CEP63: variants seen among roughly 807,000 people sequenced by gnomAD.
The protein encoded by CEP63 is centrosomal protein 63.
CEP63 carries 84 observed loss-of-function variants against 89.1 expected under a neutral mutation model. The ratio of observed to expected loss-of-function variants is 0.94; its 90% CI spans 0.79 to 1.13. CEP63 has a LOEUF of 1.13. CEP63 is among the 50% of genes most tolerant of loss of function. The probability of loss-of-function intolerance (pLI) is 0.00; values close to 1 mark genes in which losing one functional copy is unlikely to be tolerated. For synonymous variants in CEP63, 267 were observed against 272.5 expected (o/e 0.98, Z 0.20); for missense variants, 838 against 813.3 (o/e 1.03, Z -0.37).
chr3:134,737,129 G>T, the CEP63 span, among the ~76,000 whole-genome samples: 2 of 152,110 alleles, frequency 1.3e-5, no homozygotes, highest in African/African-American at 4.8e-5. Flanking sequence ...TTGAATTCCT[G>T]CTTGACAATA....
At chr3:134,650,925 G>A in the CEP63 span, 1 of 1,613,346 alleles carries the variant, frequency 6.2e-7, no homozygotes, top group Non-Finnish European at 8.5e-7. Context: ...GCAGCATGTC[G>A]ATAGATACAG....
the CEP63 span, among the ~76,000 whole-genome samples, chr3:134,744,547 A>G: frequency 1.3e-5 from 2 of 152,310 alleles, no homozygotes; most frequent in South Asian, 4.2e-4. Flanking sequence ...AAAGGAAAGG[A>G]ATGAATTATC....
At chr3:134,517,418 G>T (rs1318506767) in intron 3 of CEP63, among the ~76,000 whole-genome samples, 1 of 152,136 alleles carries the variant, frequency 6.6e-6, no homozygotes, top group Non-Finnish European at 1.5e-5. Flanking sequence ...GTAACTGATG[G>T]AATAAGAGAC....
At chr3:134,775,776 G>A in the CEP63 span, among the ~76,000 whole-genome samples, 1 of 152,078 alleles carries the variant, frequency 6.6e-6, no homozygotes, top group Non-Finnish European at 1.5e-5. Flanking sequence ...GGGTTATTTT[G>A]GACCATTAGG....
chr3:134,707,755 T>TTTG, the CEP63 span, among the ~76,000 whole-genome samples: 1 of 150,000 alleles, frequency 6.7e-6, no homozygotes, highest in Non-Finnish European at 1.5e-5. Context: ...TTTTTTTTTT[T>TTTG]TGGAGAACAC....
At chr3:134,769,379 C>G in the CEP63 span, among the ~76,000 whole-genome samples, 2 of 152,194 alleles carry the variant, frequency 1.3e-5, no homozygotes, top group African/African-American at 4.8e-5. Context: ...TTGAGGGCCA[C>G]TGGTGTAATT....
chr3:134,552,462 C>G (rs2109903389), intron 12 of CEP63: 1 of 154,312 alleles, frequency 6.5e-6, no homozygotes, highest in East Asian at 1.9e-4. Context: ...CTCAGCCTCC[C>G]AAAGTGCTGG....
the CEP63 span, among the ~76,000 whole-genome samples, chr3:134,716,457 G>A: frequency 3.7e-4 from 56 of 152,318 alleles, no homozygotes; most frequent in African/African-American, 1.3e-3. Flanking sequence ...AGGAAGTAAA[G>A]TTTGAGAGGG....
chr3:134,488,490 T>C (rs992930211), intron 1 of CEP63, among the ~76,000 whole-genome samples: 1 of 151,878 alleles, frequency 6.6e-6, no homozygotes, highest in African/African-American at 2.4e-5. Flanking sequence ...GCGCCTGTAA[T>C]CCCAGCTACT....
At chr3:134,610,724 T>A in the CEP63 span, 1 of 211,096 alleles carries the variant, frequency 4.7e-6, no homozygotes, top group East Asian at 1.1e-4. Context: ...GAGGAAAAAA[T>A]GGGGGCAAGC....
the CEP63 span, among the ~76,000 whole-genome samples, chr3:134,693,487 G>C: frequency 2.6e-5 from 4 of 152,340 alleles, no homozygotes; most frequent in South Asian, 4.1e-4. Context: ...TTAAGTCACT[G>C]CCTTTCAGAT....
rs931558864 is a variant in CEP63, at chr3:134,486,092, G to A, written c.-136G>A. 1.0e-6 allele frequency: 1 copy of A among 985,500 alleles called. No homozygotes were observed. Among genetic ancestry groups the A allele is most frequent in the East Asian group, 1.1e-4 (1 of 8,802 alleles). 61.0% of individuals were successfully genotyped at this position (985,500 alleles called of 1,614,324 possible). A position where few individuals can be genotyped will look rare whatever the true frequency, so the allele number is the denominator to read the frequency against. ...TCGCGTGCAGGGGAAGTCTGGAGAA[G>A]GCATTGTTTCAATTATTAAAAGTGT... On this transcript the variant is annotated 5_prime_UTR_variant, in exon 1 of 15. Coordinates refer to ENST00000675561, the MANE Select transcript of CEP63 (RefSeq NM_001353108.3).
At chr3:134,693,915 G>A in the CEP63 span, among the ~76,000 whole-genome samples, 44 of 152,310 alleles carry the variant, frequency 2.9e-4, no homozygotes, top group African/African-American at 9.1e-4. Context: ...CAGCCCCTAT[G>A]TGTTACCACT....
intron 3 of CEP63, among the ~76,000 whole-genome samples, chr3:134,509,708 A>G (rs1252235102): frequency 6.6e-6 from 1 of 152,246 alleles, no homozygotes; most frequent in Non-Finnish European, 1.5e-5. Context: ...ACACAGGACT[A>G]TAAATTTAGG....
the CEP63 span, among the ~76,000 whole-genome samples, chr3:134,686,231 C>T: frequency 6.6e-5 from 10 of 152,218 alleles, no homozygotes; most frequent in Admixed American, 1.3e-4. Context: ...AACTGACAGC[C>T]GGCCCTGCAC....
the CEP63 span, among the ~76,000 whole-genome samples, chr3:134,743,224 A>G: frequency 3.9e-5 from 6 of 152,276 alleles, no homozygotes; most frequent in Non-Finnish European, 8.8e-5. Context: ...TGTGAGTAAT[A>G]AAGTTGCTTT....
the CEP63 span, among the ~76,000 whole-genome samples, chr3:134,684,193 G>C: frequency 6.6e-6 from 1 of 152,226 alleles, no homozygotes; most frequent in Non-Finnish European, 1.5e-5. Context: ...CTTTTGGGTT[G>C]AGGATAAAGA....
At chr3:134,606,209 C>T in the CEP63 span, among the ~76,000 whole-genome samples, 24 of 152,160 alleles carry the variant, frequency 1.6e-4, no homozygotes, top group Non-Finnish European at 3.2e-4. Context: ...CCAGATCCCC[C>T]TGAGATTCAC....
At chr3:134,621,016 G>T in the CEP63 span, among the ~76,000 whole-genome samples, 1 of 152,184 alleles carries the variant, frequency 6.6e-6, no homozygotes, top group African/African-American at 2.4e-5. Flanking sequence ...ATTGGGAGGA[G>T]GTGGGGGAAG....
Sources: gnomAD v4.1 joint callset for allele counts (sites outside exome capture counted in the v4.1 genomes callset) on GRCh38, gnomAD v4.1.1 for gene constraint, MANE v1.5 for transcripts, NCBI Gene and HGNC (gene_info 2026-07-23, HGNC 2026-07-21) for gene names.